The following DNAH7 variants were observed in gnomAD, a reference collection of about 807,000 sequenced individuals.
The protein encoded by DNAH7 is axonemal beta dynein heavy chain 7.
A neutral mutation model predicts 444.6 loss-of-function variants in DNAH7; 397 were observed. The observed-to-expected ratio is 0.89, with a 90% CI of 0.82 to 0.97. The LOEUF is 0.97. Ranked by LOEUF, DNAH7 falls within the 50% of genes least tolerant of loss-of-function variation. The pLI, the probability that DNAH7 is intolerant of heterozygous loss-of-function variation, is 0.00. For synonymous variants in DNAH7, 1,636 were observed against 1,624.4 expected (o/e 1.01, Z -0.17); for missense variants, 4,902 against 4,800.8 (o/e 1.02, Z -0.62).
At chr2:195,900,748 C>A in intron 27 of DNAH7, 2 of 284,604 alleles carry the variant, frequency 7.0e-6, no homozygotes. Flanking sequence ...TGTGGGGTGA[C>A]TATAGTTAAA....
chr2:195,887,039 T>C (rs967762493), intron 33 of DNAH7, among the ~76,000 whole-genome samples: 1 of 152,154 alleles, frequency 6.6e-6, no homozygotes, highest in Admixed American at 6.5e-5. Context: ...GTATTACTGA[T>C]GCAACACTAA....
chr2:195,740,624 T>A (rs1260219371), intron 64 of DNAH7, 142 bp downstream of exon 64: 9 of 50,064 alleles, frequency 1.8e-4, no homozygotes, highest in African/African-American at 1.4e-3. Context: ...TGTATATATA[T>A]ATATATATAT....
At chr2:195,770,874 T>G (rs1375056978) in intron 61 of DNAH7, among the ~76,000 whole-genome samples, 1 of 151,962 alleles carries the variant, frequency 6.6e-6, no homozygotes, top group Non-Finnish European at 1.5e-5. Flanking sequence ...GCATTTTTTT[T>G]TTTTTTTTCA....
At position 195,861,955 on chromosome 2, in the gene DNAH7, A is replaced by G; in HGVS notation, c.7507-9T>C. 1 of 1,597,858 alleles carries G rather than the reference A, an allele frequency of 6.3e-7. No individual in the cohort carries two copies. The highest frequency in any genetic ancestry group is 8.6e-7 in the Non-Finnish European group (1 of 1,165,520). ...GCATCTTCAGGCCATGACTAAATGT[A>G]AGATAAATGCTTTAGCATTTTATTA... On this transcript the variant is annotated splice_polypyrimidine_tract_variant and intron_variant, in intron 41 of 64. Transcript: ENST00000312428.
intron 63 of DNAH7, among the ~76,000 whole-genome samples, chr2:195,752,576 T>G (rs1693853904): frequency 6.6e-6 from 1 of 152,180 alleles, no homozygotes; most frequent in African/African-American, 2.4e-5. Flanking sequence ...GTCGGTCACT[T>G]GGAGTAGGAT....
At chr2:195,754,213 TGGCA>T in intron 63 of DNAH7, 120 bp downstream of exon 63, 3 of 1,075,988 alleles carry the variant, frequency 2.8e-6, no homozygotes, top group Admixed American at 2.7e-5. Context: ...TTTTTTTCTC[TGGCA>T]TTTAAGGTAA....
intron 19 of DNAH7, among the ~76,000 whole-genome samples, chr2:195,954,065 T>A (rs968273086): frequency 2.0e-5 from 3 of 152,178 alleles, no homozygotes; most frequent in Non-Finnish European, 4.4e-5. Flanking sequence ...CTAGGGTACA[T>A]GTGCACAACA....
chr2:195,900,551 G>A, intron 27 of DNAH7, 57 bp from the exon 28 acceptor site: 1 of 1,519,270 alleles, frequency 6.6e-7, no homozygotes. Flanking sequence ...AGCTAGGCAT[G>A]GAAAGATAAA....
chr2:195,875,948 TA>T lies in DNAH7; in HGVS notation c.6118-106del, dbSNP rs1559173342. The stretch of plus-strand genomic sequence containing the variant: ...AATACTTAGCTATCTATTTGCAGAG[TA>T]CATATGAGGAAGTGATGGTTTCTTT... On this transcript the variant is annotated intron_variant, in intron 37 of 64. Coordinates refer to ENST00000312428, the MANE Select transcript of DNAH7 (RefSeq NM_018897.3). 1.4e-4 allele frequency: 144 copies of T among 1,053,920 alleles called. No individual in the cohort carries two copies. In the East Asian group the frequency reaches 3.2e-3, roughly 23 times the overall value. 65.3% of individuals were successfully genotyped at this position (1,053,920 alleles called of 1,614,324 possible).
chr2:195,925,673 T>G (rs1688285369), intron 22 of DNAH7, among the ~76,000 whole-genome samples: 1 of 152,196 alleles, frequency 6.6e-6, no homozygotes, highest in Admixed American at 6.6e-5. Flanking sequence ...TACAGAGAAC[T>G]TGCATCATTT....
intron 24 of DNAH7, among the ~76,000 whole-genome samples, chr2:195,914,149 T>C (rs555617064): frequency 2.2e-4 from 34 of 152,364 alleles, no homozygotes; most frequent in Admixed American, 2.1e-3. Context: ...CTCAGTACAC[T>C]GTATTGTAAT....
rs772766746 is a variant in DNAH7, at chr2:196,001,869, CAA to C, written c.990-13_990-12del. 1.3e-6 allele frequency: 2 copies of C among 1,589,536 alleles called. No homozygotes were observed. Among genetic ancestry groups the C allele is most frequent in the South Asian group, 2.3e-5 (2 of 86,514 alleles). On this transcript the variant is annotated splice_polypyrimidine_tract_variant and intron_variant, in intron 10 of 64. Transcript: ENST00000312428. ...ACTTCTGGAAACCACCTTGAAAGAACAAAAGACTTTTAAAAGTCAGTGCTTTC... is the reference window on the plus strand; with the variant it reads ...ACTTCTGGAAACCACCTTGAAAGAACAAGACTTTTAAAAGTCAGTGCTTTC...
chr2:195,767,612 TTTC>T (rs1246114769), intron 61 of DNAH7, among the ~76,000 whole-genome samples: 1 of 152,014 alleles, frequency 6.6e-6, no homozygotes, highest in African/African-American at 2.4e-5. Flanking sequence ...CTTTTCAATC[TTTC>T]TTGTTTAATA....
intron 47 of DNAH7, 155 bp from the exon 48 acceptor site, chr2:195,834,515 C>T (rs937868052): frequency 2.2e-5 from 17 of 774,110 alleles, no homozygotes; most frequent in Admixed American, 1.3e-4. Flanking sequence ...AAAACAGAGA[C>T]GTGTAGATTG....
intron 63 of DNAH7, among the ~76,000 whole-genome samples, chr2:195,741,979 G>C (rs1693065087): frequency 6.6e-6 from 1 of 152,184 alleles, no homozygotes; most frequent in Admixed American, 6.5e-5. Flanking sequence ...TAATGATAGA[G>C]TTGAGGGAAA....
At chr2:196,031,722 T>C (rs1287467488) in intron 5 of DNAH7, among the ~76,000 whole-genome samples, 1 of 152,168 alleles carries the variant, frequency 6.6e-6, no homozygotes, top group Non-Finnish European at 1.5e-5. Context: ...CAAGAGTCAC[T>C]TTTGCTCCAG....
chr2:195,866,704 A>G (rs1426803926), intron 40 of DNAH7, among the ~76,000 whole-genome samples: 2 of 152,254 alleles, frequency 1.3e-5, no homozygotes, highest in Non-Finnish European at 2.9e-5. Flanking sequence ...GTTGACTTAA[A>G]AACACAGAGG....
At chr2:195,977,737 C>A (rs1692298683) in intron 15 of DNAH7, among the ~76,000 whole-genome samples, 2 of 152,038 alleles carry the variant, frequency 1.3e-5, no homozygotes, top group South Asian at 4.1e-4. Context: ...AGAAAGGATC[C>A]TAAAAACAGC....
At chr2:195,875,503 C>A (rs1180184389) in intron 38 of DNAH7, among the ~76,000 whole-genome samples, 172 bp downstream of exon 38, 1 of 152,180 alleles carries the variant, frequency 6.6e-6, no homozygotes, top group Admixed American at 6.5e-5. Context: ...TCCAAGGTCA[C>A]CCACTTTATA....
Sources: gnomAD v4.1 joint callset for allele counts (sites outside exome capture counted in the v4.1 genomes callset) on GRCh38, gnomAD v4.1.1 for gene constraint, MANE v1.5 for transcripts, NCBI Gene and HGNC (gene_info 2026-07-23, HGNC 2026-07-21) for gene names.